The following PVT1 variants were observed in gnomAD, a reference collection of about 807,000 sequenced individuals.
PVT1 encodes the protein CXCR4/PVT1 fusion.
rs191885698 is a variant in PVT1 at position 127,981,713 on chromosome 8, A to G, written n.783-7449A>G. On this transcript the variant is annotated intron_variant and non_coding_transcript_variant, in intron 3 of 10. Coordinates refer to ENST00000651587, the Ensembl canonical transcript of PVT1. ...GAAATACTTCTAATGGCTCAGGGAAAACGTCCTGGTAAGGTTGAACTTCCA... is the reference window on the plus strand; with the variant it reads ...GAAATACTTCTAATGGCTCAGGGAAGACGTCCTGGTAAGGTTGAACTTCCA... Among the ~76,000 whole-genome samples the G allele has an allele frequency of 3.2e-4, 49 of 152,300 alleles. 1 individual carries two copies. The East Asian group carries it at 8.9e-3, about 28-fold the overall frequency.
chr8:128,079,004 C>CT (rs200203311), intron 5 of PVT1, among the ~76,000 whole-genome samples: 4,424 of 127,946 alleles, frequency 0.035, 158 homozygotes, highest in African/African-American at 0.1. Context: ...CTTTTCTTTT[C>CT]TTTTTTTTTT....
chr8:128,040,507 G>GGAA (rs201399685), intron 4 of PVT1, among the ~76,000 whole-genome samples: 2,268 of 152,160 alleles, frequency 0.015, 68 homozygotes, highest in African/African-American at 0.051. Flanking sequence ...CTGTTTTTCT[G>GGAA]GAAAATCCTA....
chr8:128,038,677 G>T (rs1408039046), intron 4 of PVT1, among the ~76,000 whole-genome samples: 1 of 152,088 alleles, frequency 6.6e-6, no homozygotes, highest in Non-Finnish European at 1.5e-5. Context: ...TGACTCCTTG[G>T]GGACGGAATC....
At chr8:127,941,382 C>T (rs756106517) in intron 3 of PVT1, among the ~76,000 whole-genome samples, 5 of 152,120 alleles carry the variant, frequency 3.3e-5, no homozygotes, top group Non-Finnish European at 4.4e-5. Context: ...CAGGAAATTC[C>T]GACATGGGCA....
intron 2 of PVT1, among the ~76,000 whole-genome samples, chr8:127,797,384 G>A (rs554364839): frequency 2.6e-5 from 4 of 152,180 alleles, no homozygotes; most frequent in African/African-American, 7.2e-5. Flanking sequence ...GAGGGATCAG[G>A]ACCACACCCC....
At chr8:128,041,631 TGCA>T (rs1813546632) in intron 4 of PVT1, among the ~76,000 whole-genome samples, 1 of 150,956 alleles carries the variant, frequency 6.6e-6, no homozygotes, top group Admixed American at 6.6e-5. Context: ...GTGTGTTGTG[TGCA>T]TGTGTGGTGA....
At chr8:128,086,066 A>G (rs1221634023) in intron 5 of PVT1, among the ~76,000 whole-genome samples, 1 of 152,236 alleles carries the variant, frequency 6.6e-6, no homozygotes, top group African/African-American at 2.4e-5. Context: ...GCCAAAATGT[A>G]TTTTGCAAAA....
chr8:127,955,791 C>T (rs1457020179), intron 3 of PVT1, among the ~76,000 whole-genome samples: 1 of 152,102 alleles, frequency 6.6e-6, no homozygotes, highest in Non-Finnish European at 1.5e-5. Flanking sequence ...TTTCATGTTG[C>T]CCAGGCTGGT....
At chr8:128,002,968 T>TCCCTCTTCCTCCCTTCCTTC (rs564255495) in intron 4 of PVT1, among the ~76,000 whole-genome samples, 31 of 84,602 alleles carry the variant, frequency 3.7e-4, no homozygotes, top group Admixed American at 5.7e-4. Context: ...CCTCCCTCCC[T>TCCCTCTTCCTCCCTTCCTTC]CTTCCTTCCT....
intron 4 of PVT1, among the ~76,000 whole-genome samples, chr8:128,059,746 G>GTT (rs1164745454): frequency 6.6e-6 from 1 of 152,178 alleles, no homozygotes; most frequent in Non-Finnish European, 1.5e-5. Flanking sequence ...AGTGTTGGCA[G>GTT]TTATCATACC....
intron 2 of PVT1, among the ~76,000 whole-genome samples, chr8:127,856,653 A>G (rs1345635646): frequency 6.6e-6 from 1 of 152,180 alleles, no homozygotes; most frequent in East Asian, 1.9e-4. Flanking sequence ...AGCCAGCTAT[A>G]TTAACTCAAT....
intron 3 of PVT1, among the ~76,000 whole-genome samples, chr8:127,979,914 C>T (rs1056582079): frequency 1.4e-5 from 2 of 144,140 alleles, no homozygotes; most frequent in African/African-American, 4.9e-5. Flanking sequence ...GGGTCTTGCT[C>T]TGTCACCCAG....
chr8:127,845,232 G>A (rs573735855), intron 2 of PVT1, among the ~76,000 whole-genome samples: 3 of 152,218 alleles, frequency 2.0e-5, no homozygotes, highest in Non-Finnish European at 4.4e-5. Flanking sequence ...GCTTCATTGT[G>A]GGGGCTGAGG....
chr8:127,952,986 G>C (rs10109391), intron 3 of PVT1, among the ~76,000 whole-genome samples: 2 of 151,902 alleles, frequency 1.3e-5, no homozygotes, highest in East Asian at 2.0e-4. Context: ...GGATGGTCTC[G>C]ATCTCCTGCC....
At chr8:128,046,170 T>C (rs188707257) in intron 4 of PVT1, among the ~76,000 whole-genome samples, 29 of 152,278 alleles carry the variant, frequency 1.9e-4, no homozygotes, top group African/African-American at 7.0e-4. Flanking sequence ...ATGACAATGC[T>C]GAAAGAGGAA....
chr8:127,804,719 CTT>C (rs1421093941), intron 2 of PVT1, among the ~76,000 whole-genome samples: 1 of 140,702 alleles, frequency 7.1e-6, no homozygotes, highest in African/African-American at 2.6e-5. Flanking sequence ...CTTTCTTTTT[CTT>C]TTTTTTTTTG....
intron 3 of PVT1, among the ~76,000 whole-genome samples, chr8:127,959,715 C>T (rs1384336729): frequency 1.3e-5 from 2 of 151,726 alleles, no homozygotes; most frequent in African/African-American, 2.4e-5. Context: ...TTAGGCTGTT[C>T]AGACATTGTT....
chr8:127,890,447 CT>C lies in PVT1; in HGVS notation n.373-139del, dbSNP rs1168104903. 2.0e-5 allele frequency: 3 copies of C among 152,418 alleles called. No individual in the cohort carries two copies. In the East Asian group the frequency reaches 5.8e-4, roughly 29 times the overall value. 9.4% of individuals were successfully genotyped at this position (152,418 alleles called of 1,614,324 possible). On this transcript the variant is annotated intron_variant and non_coding_transcript_variant, in intron 2 of 10. Coordinates refer to ENST00000651587, the Ensembl canonical transcript of PVT1. The stretch of plus-strand genomic sequence containing the variant: ...AGGCCTCCCTGGACACCGGTCTCAA[CT>C]TTGTGTGTTACCAGTTATGGAGAAT...
At chr8:128,026,970 C>G (rs540314866) in intron 4 of PVT1, among the ~76,000 whole-genome samples, 167 of 152,256 alleles carry the variant, frequency 1.1e-3, no homozygotes, top group African/African-American at 3.7e-3. Flanking sequence ...CCTCCCAGCC[C>G]CTCTCTTTGC....
Sources: gnomAD v4.1 joint callset for allele counts (sites outside exome capture counted in the v4.1 genomes callset) on GRCh38, gnomAD v4.1.1 for gene constraint, MANE v1.5 for transcripts, NCBI Gene and HGNC (gene_info 2026-07-23, HGNC 2026-07-21) for gene names.